ARSB: variants seen among roughly 807,000 people sequenced by gnomAD.
The protein encoded by ARSB is arylsulfatase B, also known as N-acetylgalactosamine-4-sulfatase.
Under a neutral mutation model 50.9 loss-of-function variants are expected in ARSB, and 41 were observed. That is an observed-to-expected ratio of 0.81 (90% CI 0.63 to 1.04). The LOEUF is 1.04. Ranked by LOEUF, ARSB falls within the 50% of genes least tolerant of loss-of-function variation. ARSB has a pLI of 0.00. For synonymous variants in ARSB, 269 were observed against 284.8 expected (o/e 0.94, Z 0.56); for missense variants, 672 against 693.3 (o/e 0.97, Z 0.35).
chr5:78,784,410 G>A (rs2112622494), intron 6 of ARSB, among the ~76,000 whole-genome samples: 1 of 152,266 alleles, frequency 6.6e-6, no homozygotes, highest in African/African-American at 2.4e-5. Context: ...TCAAGATATG[G>A]AATCAACCTA....
chr5:78,902,001 A>G (rs894208761), intron 4 of ARSB, among the ~76,000 whole-genome samples: 1 of 152,248 alleles, frequency 6.6e-6, no homozygotes, highest in Non-Finnish European at 1.5e-5. Context: ...ACAGAATACC[A>G]TAGGCTGGTT....
intron 6 of ARSB, among the ~76,000 whole-genome samples, chr5:78,786,451 G>C (rs911808182): frequency 1.3e-5 from 2 of 152,128 alleles, no homozygotes; most frequent in Non-Finnish European, 2.9e-5. Flanking sequence ...GCGACTACGA[G>C]TAATGTACCA....
intron 6 of ARSB, chr5:78,815,927 G>T (rs1743967689): frequency 6.6e-7 from 1 of 1,522,254 alleles, no homozygotes; most frequent in Admixed American, 2.0e-5. Context: ...TTCTTTCTTG[G>T]AGAAGGCACT....
chr5:78,944,240 G>A lies in ARSB; in HGVS notation c.898+11055C>T, dbSNP rs188899693. ...GGGTTCGAACTTCCTCCTTTAGCTC[G>A]GAGAAGTTTGATCGTCTGAAGCCTT... On this transcript the variant is annotated intron_variant, in intron 4 of 7. Transcript: ENST00000264914. Among the ~76,000 whole-genome samples, 300 of 152,188 alleles carry A rather than the reference G, an allele frequency of 2.0e-3. 1 individual carries two copies. The highest frequency in any genetic ancestry group is 7.7e-3 in the South Asian group (37 of 4,806).
chr5:78,958,189 A>C (rs1474842917), intron 3 of ARSB, among the ~76,000 whole-genome samples: 2 of 152,094 alleles, frequency 1.3e-5, no homozygotes, highest in African/African-American at 4.8e-5. Flanking sequence ...TGGCCCTTGC[A>C]AACACGAGAT....
intron 4 of ARSB, among the ~76,000 whole-genome samples, chr5:78,928,827 C>T (rs1246670425): frequency 6.6e-6 from 1 of 151,966 alleles, no homozygotes; most frequent in African/African-American, 2.4e-5. Context: ...TTTATTTTCC[C>T]TTCTATATAT....
At chr5:78,909,087 T>C (rs1473239291) in intron 4 of ARSB, among the ~76,000 whole-genome samples, 1 of 152,236 alleles carries the variant, frequency 6.6e-6, no homozygotes, top group Admixed American at 6.5e-5. Flanking sequence ...ATGCAAGGAA[T>C]ACTGAATTGG....
chr5:78,972,356 C>T (rs932964850), intron 1 of ARSB, among the ~76,000 whole-genome samples: 1 of 152,098 alleles, frequency 6.6e-6, no homozygotes, highest in Non-Finnish European at 1.5e-5. Flanking sequence ...TAGCATTTTG[C>T]CCCACACATT....
intron 4 of ARSB, among the ~76,000 whole-genome samples, chr5:78,886,643 T>C (rs1748050276): frequency 1.3e-5 from 2 of 151,972 alleles, no homozygotes; most frequent in African/African-American, 4.8e-5. Flanking sequence ...AAGTGGGCAG[T>C]AGAAAAGAAA....
chr5:78,789,212 C>T (rs190860153), intron 6 of ARSB, among the ~76,000 whole-genome samples: 2 of 152,224 alleles, frequency 1.3e-5, no homozygotes, highest in Admixed American at 1.3e-4. Flanking sequence ...TTGGAAAACA[C>T]AGAAAAACAT....
chr5:78,784,750 AT>A (rs2112622858), intron 6 of ARSB, among the ~76,000 whole-genome samples: 1 of 137,426 alleles, frequency 7.3e-6, no homozygotes, highest in East Asian at 2.1e-4. Context: ...CATGCTTTTC[AT>A]TTTTTCCCAA....
intron 6 of ARSB, among the ~76,000 whole-genome samples, chr5:78,797,904 CA>C (rs1743239652): frequency 6.6e-6 from 1 of 151,976 alleles, no homozygotes; most frequent in Non-Finnish European, 1.5e-5. Flanking sequence ...ATTTGAAAGG[CA>C]AAGCATAGGG....
At chr5:78,827,418 C>T (rs1309488267) in intron 6 of ARSB, among the ~76,000 whole-genome samples, 1 of 152,106 alleles carries the variant, frequency 6.6e-6, no homozygotes, top group Non-Finnish European at 1.5e-5. Context: ...GCCATGTTGG[C>T]CAGGCTGGTC....
Position 78,780,560 on chromosome 5 carries a change from T to TC in ARSB, c.1438dup (p.Asp480GlyfsTer3), listed in dbSNP as rs1167459660. ...GGACAGGTCATGTCTTTCTTCAGGG[T>TC]CCCGATCAATATCAAAGAGCCAGAG... On this transcript the variant is annotated frameshift_variant, in exon 8 of 8. Transcript: ENST00000264914. LOFTEE classifies it high-confidence loss of function. 6.2e-7 allele frequency: 1 copy of TC among 1,614,106 alleles called. No homozygotes were observed. The highest frequency in any genetic ancestry group is 8.5e-7 in the Non-Finnish European group (1 of 1,180,024).
intron 6 of ARSB, among the ~76,000 whole-genome samples, chr5:78,800,588 GA>G (rs1429122424): frequency 6.6e-6 from 1 of 152,154 alleles, no homozygotes; most frequent in African/African-American, 2.4e-5. Context: ...GGTGTCACAG[GA>G]ATTACAGAAA....
At position 78,980,938 on chromosome 5, in the gene ARSB, C is replaced by CT. The variant is rs762385496; in HGVS notation, c.312+3998dup. 3.5e-3 allele frequency among the ~76,000 whole-genome samples: 85 copies of CT among 24,480 alleles called. 18 individuals carry two copies. Among genetic ancestry groups the CT allele is most frequent in the South Asian group, 6.1e-3 (5 of 814 alleles). 16.1% of individuals were successfully genotyped at this position (24,480 alleles called of 152,430 possible). A position where few individuals can be genotyped will look rare whatever the true frequency, so the allele number is the denominator to read the frequency against. On this transcript the variant is annotated intron_variant, in intron 1 of 7. Transcript: ENST00000264914. ...TGTAGAGAGACCTGAATTTCTAGTT[C>CT]TTTTTTTTTTTTTTTTTTTTTTTTT... is the stretch of plus-strand genomic sequence containing the variant.
intron 4 of ARSB, 29 bp downstream of exon 4, chr5:78,955,266 A>C: frequency 9.3e-6 from 15 of 1,607,290 alleles, no homozygotes; most frequent in Non-Finnish European, 1.2e-5. Flanking sequence ...GGCTTTGCCA[A>C]GAGATGATTT....
chr5:78,863,911 CAT>C (rs56227906), intron 5 of ARSB, among the ~76,000 whole-genome samples: 20,720 of 151,850 alleles, frequency 0.14, 1,461 homozygotes, highest in Middle Eastern at 0.2. Flanking sequence ...AACCTAAGAA[CAT>C]GTGAATTTTT....
chr5:78,802,521 G>A (rs937388451), intron 6 of ARSB, among the ~76,000 whole-genome samples: 9 of 152,136 alleles, frequency 5.9e-5, no homozygotes, highest in East Asian at 1.9e-4. Context: ...GAGAATGATC[G>A]CAATAGGGAC....
Sources: gnomAD v4.1 joint callset for allele counts (sites outside exome capture counted in the v4.1 genomes callset) on GRCh38, gnomAD v4.1.1 for gene constraint, MANE v1.5 for transcripts, NCBI Gene and HGNC (gene_info 2026-07-23, HGNC 2026-07-21) for gene names.